Variants in WWOX observed in about 807,000 individuals in gnomAD.
The protein encoded by WWOX is WW domain-containing oxidoreductase.
A neutral mutation model predicts 46.2 loss-of-function variants in WWOX; 69 were observed. That is an observed-to-expected ratio of 1.49 (90% CI 1.23 to 1.82). WWOX has a LOEUF of 1.82. WWOX is among the 40% of genes most tolerant of loss of function. The probability of loss-of-function intolerance (pLI) is 0.00; values close to 1 mark genes in which losing one functional copy is unlikely to be tolerated. For synonymous variants in WWOX, 359 were observed against 202.6 expected, an observed-to-expected ratio of 1.77 and a Z score of -6.56; for missense variants, 919 against 542.6, an observed-to-expected ratio of 1.69 and a Z score of -6.89.
intron 8 of WWOX, among the ~76,000 whole-genome samples, chr16:79,096,980 G>T (rs1257004902): frequency 2.0e-5 from 3 of 152,102 alleles, no homozygotes; most frequent in Non-Finnish European, 4.4e-5. Flanking sequence ...CAGGAAGGGG[G>T]CATGCTGTCA....
chr16:78,524,910 G>C (rs1223517329), intron 8 of WWOX, among the ~76,000 whole-genome samples: 1 of 135,094 alleles, frequency 7.4e-6, no homozygotes, highest in Non-Finnish European at 1.5e-5. Flanking sequence ...CTGGCACCCA[G>C]GCTGGAGTGC....
At chr16:78,819,057 T>G (rs949408253) in intron 8 of WWOX, among the ~76,000 whole-genome samples, 1 of 152,308 alleles carries the variant, frequency 6.6e-6, no homozygotes, top group Non-Finnish European at 1.5e-5. Flanking sequence ...GCGAAGCACT[T>G]AGCACATGAG....
intron 8 of WWOX, among the ~76,000 whole-genome samples, chr16:78,796,239 A>G (rs143188465): frequency 9.6e-4 from 146 of 152,356 alleles, no homozygotes; most frequent in African/African-American, 3.0e-3. Flanking sequence ...ACATTCAGCA[A>G]CTGGCCTCCC....
chr16:78,532,787 T>C (rs889445911), intron 8 of WWOX, among the ~76,000 whole-genome samples: 1 of 152,104 alleles, frequency 6.6e-6, no homozygotes, highest in Non-Finnish European at 1.5e-5. Context: ...GAGAACACCT[T>C]GGGAAAGACC....
At chr16:78,301,173 A>G (rs1428306180) in intron 5 of WWOX, among the ~76,000 whole-genome samples, 1 of 152,216 alleles carries the variant, frequency 6.6e-6, no homozygotes, top group Non-Finnish European at 1.5e-5. Context: ...TGAAATTGGT[A>G]ATAATTTGCT....
chr16:78,189,978 A>G (rs184545757), intron 5 of WWOX, among the ~76,000 whole-genome samples: 6 of 152,218 alleles, frequency 3.9e-5, no homozygotes, highest in Non-Finnish European at 8.8e-5. Context: ...CTTTTCCTCA[A>G]GAACTCACTT....
chr16:78,794,577 T>C (rs1489411813), intron 8 of WWOX, among the ~76,000 whole-genome samples: 1 of 152,218 alleles, frequency 6.6e-6, no homozygotes, highest in Non-Finnish European at 1.5e-5. Context: ...TAATACCTCT[T>C]AGTGTTGCTG....
intron 8 of WWOX, among the ~76,000 whole-genome samples, chr16:78,848,794 G>T (rs1279656398): frequency 4.6e-5 from 3 of 65,084 alleles, no homozygotes; most frequent in Non-Finnish European, 1.2e-4. Context: ...GTTACACAGA[G>T]ACCTTTTTTT....
intron 6 of WWOX, among the ~76,000 whole-genome samples, chr16:78,423,438 C>T (rs6564552): frequency 0.89 from 135,786 of 152,170 alleles, 62,120 homozygotes; most frequent in Non-Finnish European, 1. Context: ...TCACAAACAC[C>T]GTGGATAGCC....
rs145897368 is a variant in WWOX at position 79,031,417 on chromosome 16, G to A, written c.1057-180191G>A. The stretch of plus-strand genomic sequence containing the variant: ...CTCGAGTTGGTTTGCAAAGTGAAAC[G>A]CATTAGACATCTTCAAGTGGGCTGA... On this transcript the variant is annotated intron_variant, in intron 8 of 8. Transcript: ENST00000566780. Among the ~76,000 whole-genome samples, 138 of 111,122 alleles carry A rather than the reference G, an allele frequency of 1.2e-3. 1 individual carries two copies. The highest frequency in any genetic ancestry group is 3.7e-3 in the African/African-American group (132 of 35,648). The allele number at this position is 111,122 out of a possible 152,430, so 72.9% of individuals were successfully genotyped here. A position where few individuals can be genotyped will look rare whatever the true frequency, so the allele number is the denominator to read the frequency against.
chr16:78,634,844 G>GAC (rs2046528866), intron 8 of WWOX, among the ~76,000 whole-genome samples: 1 of 76,728 alleles, frequency 1.3e-5, no homozygotes, highest in Admixed American at 1.1e-4. Flanking sequence ...GAGAGTGTGT[G>GAC]TGTGTGTGTG....
At chr16:78,969,954 T>C (rs1197522420) in intron 8 of WWOX, among the ~76,000 whole-genome samples, 2 of 152,164 alleles carry the variant, frequency 1.3e-5, no homozygotes, top group African/African-American at 4.8e-5. Context: ...AACTCTTTGA[T>C]TGTACTAAAA....
chr16:78,199,998 C>T (rs1021309750), intron 5 of WWOX, among the ~76,000 whole-genome samples: 3 of 152,224 alleles, frequency 2.0e-5, no homozygotes, highest in African/African-American at 7.2e-5. Context: ...CAGTAGAAAT[C>T]ACCAAGGACC....
intron 8 of WWOX, among the ~76,000 whole-genome samples, chr16:79,187,386 T>G (rs1460915439): frequency 6.6e-6 from 1 of 152,176 alleles, no homozygotes; most frequent in Admixed American, 6.5e-5. Flanking sequence ...AGAAATCCAC[T>G]CCTTTCACTT....
intron 8 of WWOX, among the ~76,000 whole-genome samples, chr16:78,435,409 C>T (rs1859469024): frequency 6.6e-6 from 1 of 152,120 alleles, no homozygotes; most frequent in Non-Finnish European, 1.5e-5. Flanking sequence ...GGCCTCAATG[C>T]CTATAGCAAG....
At chr16:78,639,139 G>T (rs907811448) in intron 8 of WWOX, among the ~76,000 whole-genome samples, 2 of 152,188 alleles carry the variant, frequency 1.3e-5, no homozygotes, top group Non-Finnish European at 2.9e-5. Context: ...TTTGGGCAAG[G>T]TGAAAACTTG....
intron 8 of WWOX, among the ~76,000 whole-genome samples, chr16:78,769,275 C>G (rs927193114): frequency 6.6e-6 from 1 of 152,280 alleles, no homozygotes; most frequent in Middle Eastern, 3.4e-3. Context: ...TGGGGGGAGT[C>G]ACCATCGTCC....
intron 8 of WWOX, among the ~76,000 whole-genome samples, chr16:78,822,940 A>C (rs1008631812): frequency 6.6e-6 from 1 of 152,240 alleles, no homozygotes; most frequent in Non-Finnish European, 1.5e-5. Context: ...AGAAAAAAAA[A>C]AAGGAATTAG....
intron 8 of WWOX, among the ~76,000 whole-genome samples, chr16:78,484,792 C>T (rs2084587573): frequency 6.6e-6 from 1 of 152,242 alleles, no homozygotes; most frequent in South Asian, 2.1e-4. Context: ...TTTGCGGAAG[C>T]TGTCCTGAAG....
Sources: gnomAD v4.1 joint callset for allele counts (sites outside exome capture counted in the v4.1 genomes callset) on GRCh38, gnomAD v4.1.1 for gene constraint, MANE v1.5 for transcripts, NCBI Gene and HGNC (gene_info 2026-07-23, HGNC 2026-07-21) for gene names.